AGAP1: variants seen among roughly 807,000 people sequenced by gnomAD.
The protein encoded by AGAP1 is arf-GAP with GTPase, ANK repeat and PH domain-containing protein 1.
In AGAP1, 29 loss-of-function variants were observed where a neutral mutation model predicts 105.3. The ratio of observed to expected loss-of-function variants is 0.28; its 90% CI spans 0.21 to 0.38. The LOEUF (loss-of-function observed/expected upper bound fraction) is 0.38. Ranked by LOEUF, AGAP1 falls within the 10% of genes least tolerant of loss-of-function variation. The pLI, the probability that AGAP1 is intolerant of heterozygous loss-of-function variation, is 1.00. For synonymous variants in AGAP1, 509 were observed against 485.9 expected (o/e 1.05, Z -0.63); for missense variants, 998 against 1,165.1 (o/e 0.86, Z 2.09).
rs1305978025 is a variant in AGAP1, at chr2:235,889,477, A to C, written c.1155+6028A>C. On this transcript the variant is annotated intron_variant, in intron 10 of 17. Transcript: ENST00000304032. This position sits in a 1 kb window ranked among gnomAD's most constrained non-coding sequence, Gnocchi z 4.6. ...AGCTGGGTGGTGGCCCTGGGATGTC[A>C]CTTTCCTTCCCACTTAATTGCTTTG... 6.6e-6 allele frequency among the ~76,000 whole-genome samples: 1 copy of C among 151,402 alleles called. No homozygotes were observed. Among genetic ancestry groups the C allele is most frequent in the African/African-American group, 2.4e-5 (1 of 41,132 alleles).
rs983716486 is a variant in AGAP1, at chr2:235,577,466, G to T, written c.163+82617G>T. On this transcript the variant is annotated intron_variant, in intron 1 of 17. Coordinates refer to ENST00000304032, the MANE Select transcript of AGAP1 (RefSeq NM_001037131.3). The surrounding 1 kb of genome is among the most constrained non-coding windows in gnomAD (Gnocchi z 4.5). ...CAAAGCCTTTGCCAGATGAGACACT[G>T]CCTCTCGCTGAATGCCTGCTTGGAG... Among the ~76,000 whole-genome samples the T allele has an allele frequency of 1.3e-5, 2 of 152,066 alleles. No individual in the cohort carries two copies. The highest frequency in any genetic ancestry group is 2.9e-5 in the Non-Finnish European group (2 of 68,024).
At chr2:235,706,914 C>G (rs73124489) in intron 1 of AGAP1, among the ~76,000 whole-genome samples, 11,607 of 152,244 alleles carry the variant, frequency 0.076, 1,443 homozygotes, top group African/African-American at 0.26. Context: ...GAAGTGTTTT[C>G]CAAATTAATT....
At chr2:235,798,958 GA>G (rs1168698082) in intron 7 of AGAP1, among the ~76,000 whole-genome samples, 1 of 150,766 alleles carries the variant, frequency 6.6e-6, no homozygotes, top group African/African-American at 2.4e-5. Context: ...AAAACACTTA[GA>G]TTTTCCAGGT....
chr2:235,928,746 C>G (rs1211072798), intron 11 of AGAP1, among the ~76,000 whole-genome samples: 1 of 151,878 alleles, frequency 6.6e-6, no homozygotes, highest in East Asian at 1.9e-4. Context: ...AGGGATCTGG[C>G]TAAGGCACAC....
intron 12 of AGAP1, among the ~76,000 whole-genome samples, chr2:235,943,068 C>T (rs1358103986): frequency 6.6e-6 from 1 of 152,188 alleles, no homozygotes; most frequent in Non-Finnish European, 1.5e-5. Context: ...GTTTTGTGTT[C>T]TCAACATTAG....
rs933017460 is a variant in AGAP1 at position 236,002,259 on chromosome 2, C to T, written c.1645+33636C>T. On this transcript the variant is annotated intron_variant, in intron 13 of 17. Transcript: ENST00000304032. The surrounding 1 kb of genome is among the most constrained non-coding windows in gnomAD (Gnocchi z 4.3). Reference sequence around the variant, plus strand: ...AAACAGACAAACACAACATGACCCACGCACCCAGCCTGAGCCCAGGAGGCT... The same window carrying T: ...AAACAGACAAACACAACATGACCCATGCACCCAGCCTGAGCCCAGGAGGCT... Among the ~76,000 whole-genome samples the T allele has an allele frequency of 2.0e-5, 3 of 152,298 alleles. No homozygotes were observed. The highest frequency in any genetic ancestry group is 6.5e-5 in the Admixed American group (1 of 15,310).
intron 1 of AGAP1, among the ~76,000 whole-genome samples, chr2:235,529,853 C>T (rs1181486625): frequency 1.3e-5 from 2 of 152,080 alleles, no homozygotes; most frequent in Non-Finnish European, 2.9e-5. Flanking sequence ...TGGGGTTGTA[C>T]GAGAATTGGG....
In AGAP1 at chr2:235,985,933, G is replaced by C. The variant is rs140954375; in HGVS notation, c.1645+17310G>C. ...CTCCAGATTTGTTCTTTTTGCTTAG[G>C]ATTGTTTTGGCTATACAGGGTCTTC... On this transcript the variant is annotated intron_variant, in intron 13 of 17. Transcript: ENST00000304032. Among the ~76,000 whole-genome samples the C allele has an allele frequency of 2.9e-3, 443 of 152,272 alleles. 1 individual carries two copies. The highest frequency in any genetic ancestry group is 4.9e-3 in the Non-Finnish European group (330 of 68,034).
chr2:235,597,329 A>G (rs1945558098), intron 1 of AGAP1, among the ~76,000 whole-genome samples: 1 of 152,204 alleles, frequency 6.6e-6, no homozygotes, highest in Non-Finnish European at 1.5e-5. Context: ...CACAGCTCCC[A>G]GAGATGAGGA....
At position 236,023,653 on chromosome 2, in the gene AGAP1, G is replaced by A. The variant is rs529055003; in HGVS notation, c.1646-12908G>A. ...ATTGTCCCGTCTTTTCGGTGGTGCT[G>A]TCTGGAGGCCTCTGGGCTTGGTAGA... On this transcript the variant is annotated intron_variant, in intron 13 of 17. Transcript: ENST00000304032. Among the ~76,000 whole-genome samples, 13 of 152,234 alleles carry A rather than the reference G, an allele frequency of 8.5e-5. No individual in the cohort carries two copies. The South Asian group carries it at 2.7e-3, about 32-fold the overall frequency.
intron 7 of AGAP1, 121 bp downstream of exon 7, chr2:235,798,007 T>C: frequency 8.2e-7 from 1 of 1,225,860 alleles, no homozygotes; most frequent in South Asian, 1.5e-5. Flanking sequence ...AACAGCATGT[T>C]GTAATTGACT....
rs190440144 is a variant in AGAP1, at chr2:236,053,256, A to G, written c.2114+3975A>G. Among the ~76,000 whole-genome samples, 11 of 152,380 alleles carry G rather than the reference A, an allele frequency of 7.2e-5. No individual in the cohort carries two copies. The East Asian group carries it at 1.9e-3, about 27-fold the overall frequency. ...AAACAGTCGTGCGAACGTCTCCTGC[A>G]TGAATGAATGATTGAACGAGTAAAT... On this transcript the variant is annotated intron_variant, in intron 16 of 17. Transcript: ENST00000304032. This position sits in a 1 kb window ranked among gnomAD's most constrained non-coding sequence, Gnocchi z 4.6.
chr2:235,617,447 A>C (rs1946343907), intron 1 of AGAP1, among the ~76,000 whole-genome samples: 1 of 152,316 alleles, frequency 6.6e-6, no homozygotes, highest in Non-Finnish European at 1.5e-5. Context: ...CACACCTGTA[A>C]TCCGAGCACT....
intron 16 of AGAP1, among the ~76,000 whole-genome samples, chr2:236,118,216 C>G (rs978677458): frequency 1.3e-5 from 2 of 152,022 alleles, no homozygotes; most frequent in Non-Finnish European, 2.9e-5. Context: ...TCTAGACTTT[C>G]GCGGAAGCCC....
intron 12 of AGAP1, among the ~76,000 whole-genome samples, chr2:235,955,734 A>T (rs889883786): frequency 2.6e-5 from 4 of 152,156 alleles, no homozygotes; most frequent in Non-Finnish European, 5.9e-5. Flanking sequence ...ATAGCTGAGG[A>T]CACCAACACA....
In AGAP1 at chr2:235,936,392, C is replaced by A. The variant is rs2052989633; in HGVS notation, c.1483+5469C>A. Among the ~76,000 whole-genome samples, 1 of 152,200 alleles carries A rather than the reference C, an allele frequency of 6.6e-6. No individual in the cohort carries two copies. ...AGTAGACTCTGTGGTTATAAAGCAG[C>A]CGATCCTCAATGGAAAGCATTTGAG... On this transcript the variant is annotated intron_variant, in intron 12 of 17. Coordinates refer to ENST00000304032, the MANE Select transcript of AGAP1 (RefSeq NM_001037131.3). This position sits in a 1 kb window ranked among gnomAD's most constrained non-coding sequence, Gnocchi z 4.7.
intron 12 of AGAP1, among the ~76,000 whole-genome samples, chr2:235,938,540 A>T (rs987224932): frequency 5.9e-5 from 9 of 152,236 alleles, no homozygotes; most frequent in Admixed American, 3.9e-4. Context: ...TGAAACAGAG[A>T]TAAAATCTTG....
chr2:235,666,050 C>A (rs1182165295), intron 1 of AGAP1, among the ~76,000 whole-genome samples: 4 of 152,162 alleles, frequency 2.6e-5, no homozygotes, highest in Non-Finnish European at 5.9e-5. Flanking sequence ...GGGAGCGAAG[C>A]CAGCTGCTGA....
At chr2:235,560,677 C>T (rs563731002) in intron 1 of AGAP1, among the ~76,000 whole-genome samples, 4 of 152,248 alleles carry the variant, frequency 2.6e-5, no homozygotes, top group South Asian at 2.1e-4. Context: ...TCTAAAATTT[C>T]GGAAAAGATG....
Sources: gnomAD v4.1 joint callset for allele counts (sites outside exome capture counted in the v4.1 genomes callset) on GRCh38, gnomAD v4.1.1 for gene constraint, Gnocchi (gnomAD v3.1) non-coding constraint, MANE v1.5 for transcripts, NCBI Gene and HGNC (gene_info 2026-07-23, HGNC 2026-07-21) for gene names.